Variants in TCERG1 observed in about 807,000 individuals in gnomAD.
TCERG1 encodes transcription elongation regulator 1, also known as TATA box binding protein (TBP)-associated factor, RNA polymerase II, S, 150kD.
Under a neutral mutation model 144.7 loss-of-function variants are expected in TCERG1, and 37 were observed. The observed-to-expected ratio is 0.26, with a 90% CI of 0.20 to 0.34. The LOEUF is 0.34. TCERG1 is among the 10% of genes least tolerant of loss of function. The probability of loss-of-function intolerance (pLI) is 1.00; values close to 1 mark genes in which losing one functional copy is unlikely to be tolerated. For missense variants in TCERG1, 1,027 were observed against 1,380.7 expected (o/e 0.74, Z 4.06); for synonymous variants, 492 against 458.2 (o/e 1.07, Z -0.94).
intron 5 of TCERG1, among the ~76,000 whole-genome samples, chr5:146,465,093 A>C (rs1460289216): frequency 2.0e-5 from 3 of 152,216 alleles, no homozygotes; most frequent in Non-Finnish European, 4.4e-5. Flanking sequence ...TCCCTTTTCT[A>C]GATTAAATTT....
intron 15 of TCERG1, among the ~76,000 whole-genome samples, chr5:146,490,601 A>G (rs1390190474): frequency 2.0e-5 from 3 of 152,178 alleles, no homozygotes; most frequent in Non-Finnish European, 4.4e-5. Context: ...AGTCCCTAGT[A>G]TTCTGAAATG....
At chr5:146,465,541 A>G (rs1290930164) in intron 5 of TCERG1, among the ~76,000 whole-genome samples, 3 of 152,178 alleles carry the variant, frequency 2.0e-5, no homozygotes, top group South Asian at 2.1e-4. Flanking sequence ...GAGCAAGCAT[A>G]TCCTTGCTCC....
At chr5:146,449,819 A>G (rs1222077325) in intron 1 of TCERG1, among the ~76,000 whole-genome samples, 1 of 152,238 alleles carries the variant, frequency 6.6e-6, no homozygotes, top group East Asian at 1.9e-4. Flanking sequence ...AGTCATTTGT[A>G]TAGATCCTTT....
chr5:146,473,087 G>A (rs889339348), intron 9 of TCERG1, among the ~76,000 whole-genome samples: 1 of 152,178 alleles, frequency 6.6e-6, no homozygotes, highest in African/African-American at 2.4e-5. Context: ...AGCCGAGATA[G>A]GCTGAAAGCT....
chr5:146,480,255 A>ATG (rs1325338866), intron 12 of TCERG1, 161 bp downstream of exon 12: 6 of 458,544 alleles, frequency 1.3e-5, no homozygotes, highest in Admixed American at 8.0e-5. Flanking sequence ...ATTGTAGAAA[A>ATG]TGTGTCCCTT....
chr5:146,488,795 TCA>T (rs1245836755), intron 15 of TCERG1, among the ~76,000 whole-genome samples: 4 of 152,164 alleles, frequency 2.6e-5, no homozygotes, highest in Non-Finnish European at 5.9e-5. Context: ...GTAGCACTGT[TCA>T]CAGTAACCAA....
At position 146,498,425 on chromosome 5, in the gene TCERG1, T is replaced by A. The variant is rs1022175882; in HGVS notation, c.2283-111T>A. 4.4e-6 allele frequency: 5 copies of A among 1,136,614 alleles called. No individual in the cohort carries two copies. The African/African-American group carries it at 7.9e-5, about 18-fold the overall frequency. The allele number at this position is 1,136,614 out of a possible 1,614,324, so 70.4% of individuals were successfully genotyped here. ...TGTTCACTGTTAGGTAGATGTTGAGTCCCAGTGTCTCTTTGTCATATACTC... is the reference window on the plus strand; with the variant it reads ...TGTTCACTGTTAGGTAGATGTTGAGACCCAGTGTCTCTTTGTCATATACTC... On this transcript the variant is annotated intron_variant, in intron 16 of 22. Transcript: ENST00000679501.
chr5:146,479,827 G>T (rs1170086750), intron 10 of TCERG1, 28 bp from the exon 11 acceptor site: 3 of 1,612,044 alleles, frequency 1.9e-6, no homozygotes, highest in Non-Finnish European at 2.5e-6. Context: ...AAATGACTTT[G>T]TAACAATATT....
At chr5:146,505,767 C>G (rs1767928035) in intron 19 of TCERG1, 1 of 152,240 alleles carries the variant, frequency 6.6e-6, no homozygotes, top group Non-Finnish European at 1.5e-5. Flanking sequence ...CATGTTTATC[C>G]TTTTTGTTTT....
At chr5:146,469,854 T>G in intron 7 of TCERG1, 110 bp downstream of exon 7, 1 of 765,748 alleles carries the variant, frequency 1.3e-6, no homozygotes, top group South Asian at 2.7e-5. Flanking sequence ...ATTTTCTAAT[T>G]ACACAGTCAT....
chr5:146,493,971 A>G (rs77814645), intron 16 of TCERG1, among the ~76,000 whole-genome samples: 1 of 151,934 alleles, frequency 6.6e-6, no homozygotes, highest in African/African-American at 2.4e-5. Context: ...GGAAAGAGTG[A>G]TGTTGTTTAA....
chr5:146,504,171 GA>G (rs1024365399), intron 19 of TCERG1, 165 bp downstream of exon 19: 12 of 639,312 alleles, frequency 1.9e-5, no homozygotes, highest in Non-Finnish European at 2.3e-5. Context: ...GTTAGTATAG[GA>G]AAAAACCCAA....
At chr5:146,485,992 G>T (rs1174301838) in intron 15 of TCERG1, among the ~76,000 whole-genome samples, 1 of 152,122 alleles carries the variant, frequency 6.6e-6, no homozygotes, top group African/African-American at 2.4e-5. Context: ...ACCACGCCTG[G>T]CCTTTCATGG....
intron 5 of TCERG1, among the ~76,000 whole-genome samples, chr5:146,466,020 CAAAAA>C (rs57028887): frequency 2.4e-5 from 2 of 82,060 alleles, no homozygotes; most frequent in African/African-American, 4.2e-5. Flanking sequence ...AACTCTGTCT[CAAAAA>C]AAAAAAAAAA....
chr5:146,461,065 A>G (rs1561643366), intron 4 of TCERG1, among the ~76,000 whole-genome samples: 1 of 152,126 alleles, frequency 6.6e-6, no homozygotes, highest in Non-Finnish European at 1.5e-5. Context: ...GTTTTGTTTT[A>G]GGAAAGGTGA....
chr5:146,503,688 T>C (rs1767689793), intron 18 of TCERG1, 136 bp from the exon 19 acceptor site: 1 of 1,347,036 alleles, frequency 7.4e-7, no homozygotes, highest in Non-Finnish European at 1.0e-6. Flanking sequence ...GATTTGGAGA[T>C]GAGAGGTACA....
At chr5:146,508,040 T>A (rs1311859723) in intron 21 of TCERG1, 84 bp downstream of exon 21, 1 of 843,430 alleles carries the variant, frequency 1.2e-6, no homozygotes, top group Non-Finnish European at 1.8e-6. Flanking sequence ...TTAACCAAAA[T>A]GAAGTTGATT....
intron 1 of TCERG1, among the ~76,000 whole-genome samples, chr5:146,449,993 A>G (rs1009420265): frequency 1.3e-5 from 2 of 152,186 alleles, no homozygotes; most frequent in African/African-American, 4.8e-5. Flanking sequence ...TGTCAAACTT[A>G]CCTTATTGGG....
chr5:146,484,382 C>G (rs1419525493), intron 15 of TCERG1, among the ~76,000 whole-genome samples: 1 of 152,180 alleles, frequency 6.6e-6, no homozygotes, highest in African/African-American at 2.4e-5. Context: ...TGACACTGAT[C>G]TCCATAAAAT....
Sources: allele counts gnomAD v4.1 joint callset (sites outside exome capture counted in the v4.1 genomes callset), GRCh38; gene constraint gnomAD v4.1.1; transcripts MANE v1.5; gene names NCBI Gene and HGNC (gene_info 2026-07-23, HGNC 2026-07-21).